Variants in KDM5B observed in about 807,000 individuals in gnomAD.
The protein encoded by KDM5B is lysine-specific demethylase 5B.
In KDM5B, 144 loss-of-function variants were observed where a neutral mutation model predicts 193.4. That is an observed-to-expected ratio of 0.74 (90% CI 0.65 to 0.86). The LOEUF (loss-of-function observed/expected upper bound fraction) is 0.86. Ranked by LOEUF, KDM5B falls within the 40% of genes least tolerant of loss-of-function variation. The pLI, the probability that KDM5B is intolerant of heterozygous loss-of-function variation, is 0.00. For missense variants in KDM5B, 1,833 were observed against 1,886.9 expected (o/e 0.97, Z 0.53); for synonymous variants, 668 against 682.6 (o/e 0.98, Z 0.33).
At chr1:202,755,536 C>A in intron 10 of KDM5B, 84 bp from the exon 11 acceptor site, 2 of 1,090,456 alleles carry the variant, frequency 1.8e-6, no homozygotes, top group African/African-American at 1.6e-5. Flanking sequence ...TATTATCCTT[C>A]AAAATAAAAA....
intron 4 of KDM5B, among the ~76,000 whole-genome samples, chr1:202,772,451 A>C (rs1358854011): frequency 3.3e-5 from 5 of 152,222 alleles, no homozygotes; most frequent in Non-Finnish European, 1.5e-5. Context: ...CTCAGCTGGC[A>C]GAAGAGAACA....
chr1:202,767,238 A>G, intron 4 of KDM5B, 178 bp from the exon 5 acceptor site: 2 of 1,584,256 alleles, frequency 1.3e-6, no homozygotes, highest in African/African-American at 1.3e-5. Flanking sequence ...CTTATGTTTT[A>G]AGCAGTTGGT....
At chr1:202,792,050 G>A (rs897634035) in intron 1 of KDM5B, among the ~76,000 whole-genome samples, 8 of 152,050 alleles carry the variant, frequency 5.3e-5, no homozygotes, top group Admixed American at 3.3e-4. Flanking sequence ...ACTGAATTGA[G>A]ACCACAACCA....
intron 26 of KDM5B, chr1:202,729,461 C>T (rs563408307): frequency 5.8e-5 from 34 of 585,554 alleles, no homozygotes; most frequent in African/African-American, 3.0e-4. Flanking sequence ...TTCTTAGCGC[C>T]GGGAAGGTGA....
Position 202,762,789 on chromosome 1 carries a change from G to A in KDM5B, c.828C>T (p.Ser276=). ...TCCTCTCAATAGGTTCTTGCTTGAT[G>A]CTACTCTTCATTTCTTTCTCTGTAG... is the stretch of plus-strand genomic sequence containing the variant. ...KCENEKEMKS[S]IKQEPIERKD... The change falls in exon 7 of 27, where the codon AGC becomes AGT. Residue 276 remains serine, a synonymous_variant. Transcript: ENST00000367265. 6.2e-7 allele frequency: 1 copy of A among 1,603,176 alleles called. No individual in the cohort carries two copies. Among genetic ancestry groups the A allele is most frequent in the Non-Finnish European group, 8.5e-7 (1 of 1,170,228 alleles).
intron 22 of KDM5B, 82 bp from the exon 23 acceptor site, chr1:202,733,968 CATGGGAT>C: frequency 2.0e-6 from 3 of 1,482,254 alleles, no homozygotes; most frequent in African/African-American, 1.4e-5. Context: ...TGGTTAAGAG[CATGGGAT>C]CCTGAGTAGA....
At chr1:202,789,469 G>A (rs1657547594) in intron 1 of KDM5B, among the ~76,000 whole-genome samples, 2 of 148,624 alleles carry the variant, frequency 1.3e-5, no homozygotes, top group Admixed American at 6.8e-5. Flanking sequence ...TGCAAAGTGA[G>A]CCGAGACAAG....
chr1:202,742,715 T>C lies in KDM5B; in HGVS notation c.2414A>G (p.Gln805Arg). 1.2e-6 allele frequency: 2 copies of C among 1,614,186 alleles called. No individual in the cohort carries two copies. Among genetic ancestry groups the C allele is most frequent in the Non-Finnish European group, 1.7e-6 (2 of 1,180,000 alleles). The change falls in exon 17 of 27, where the codon CAG becomes CGG. Residue 805 changes from glutamine (Q) to arginine (R), a missense_variant. Physicochemically the swap from Gln to Arg is conservative, Grantham distance 43. Around this residue, in one of 3 missense-constraint regions of KDM5B, gnomAD observed 1,379 missense variants for 1,349.6 expected, o/e 1.02. Coordinates refer to ENST00000367265, the MANE Select transcript of KDM5B (RefSeq NM_006618.5). ...DLLRHLRLVTQDAEKCASVAQ... is the reference protein window; with the variant it reads ...DLLRHLRLVTRDAEKCASVAQ... ...AACAGAGGCACACTTCTCTGCATCC[T>C]GTGTGACTAGGCGAAGGTGTCGCAA...
chr1:202,756,403 GC>G lies in KDM5B; in HGVS notation c.1310del (p.Gly437AlafsTer25). On this transcript the variant is annotated frameshift_variant, in exon 10 of 27. Transcript: ENST00000367265. LOFTEE classifies it high-confidence loss of function. ...ADIASKEFGS[G>X]FPVRDGKIKL... ...TGATTTTCCCATCTCGGACAGGAAAGCCACTGCCAAATTCCTTTGAGGCAAT... is the reference window on the plus strand; with the variant it reads ...TGATTTTCCCATCTCGGACAGGAAAGCACTGCCAAATTCCTTTGAGGCAAT... 6.2e-7 allele frequency: 1 copy of G among 1,613,342 alleles called. No homozygotes were observed. Among genetic ancestry groups the G allele is most frequent in the Non-Finnish European group, 8.5e-7 (1 of 1,179,592 alleles).
chr1:202,779,259 G>T (rs781424471), intron 1 of KDM5B, among the ~76,000 whole-genome samples: 1 of 151,704 alleles, frequency 6.6e-6, no homozygotes, highest in East Asian at 1.9e-4. Flanking sequence ...GGTGACTCAC[G>T]CCTGTAATCA....
chr1:202,763,990 G>C, intron 6 of KDM5B, 59 bp downstream of exon 6: 1 of 943,858 alleles, frequency 1.1e-6, no homozygotes, highest in African/African-American at 1.7e-5. Context: ...GTTTACTTAT[G>C]AATAGTTATT....
At chr1:202,732,800 TTG>T (rs1654935361) in intron 23 of KDM5B, among the ~76,000 whole-genome samples, 1 of 152,162 alleles carries the variant, frequency 6.6e-6, no homozygotes, top group African/African-American at 2.4e-5. Context: ...TACTTTTCTA[TTG>T]TCTTCACATT....
intron 13 of KDM5B, among the ~76,000 whole-genome samples, chr1:202,750,175 C>T (rs763440325): frequency 6.6e-6 from 1 of 152,246 alleles, no homozygotes; most frequent in Non-Finnish European, 1.5e-5. Context: ...GTAATTCATG[C>T]TTGATTTACA....
At chr1:202,791,989 A>T (rs1396710271) in intron 1 of KDM5B, among the ~76,000 whole-genome samples, 1 of 152,184 alleles carries the variant, frequency 6.6e-6, no homozygotes, top group Non-Finnish European at 1.5e-5. Flanking sequence ...TACAGGCATG[A>T]GCCACCTAGG....
chr1:202,748,048 G>A (rs1655634024), intron 14 of KDM5B, among the ~76,000 whole-genome samples: 1 of 152,122 alleles, frequency 6.6e-6, no homozygotes, highest in African/African-American at 2.4e-5. Flanking sequence ...TTTAGTATTA[G>A]CAATAGAATA....
chr1:202,764,794 A>G (rs1283766018), intron 5 of KDM5B, among the ~76,000 whole-genome samples: 1 of 151,552 alleles, frequency 6.6e-6, no homozygotes, highest in African/African-American at 2.4e-5. Flanking sequence ...AGCCTGCCAT[A>G]ATGGCAAAAC....
rs1320225933 is a variant in KDM5B, at chr1:202,730,006, G to A, written c.4198C>T (p.Arg1400Ter). 10 of 1,610,852 alleles carry A rather than the reference G, an allele frequency of 6.2e-6. No individual in the cohort carries two copies. The highest frequency in any genetic ancestry group is 7.6e-6 in the Non-Finnish European group (9 of 1,178,424). The change falls in exon 26 of 27, where the codon CGA (arginine) becomes TGA (stop). Residue 1400 changes from arginine (R) to a stop codon, truncating the protein, a stop_gained. Transcript: ENST00000367265. LOFTEE classifies it high-confidence loss of function. ...SEKNDCCRGK[R>*]DGINSLERKL... Reference sequence around the variant, plus strand: ...CTCTCAAGACTGTTAATTCCATCTCGCTTCCCTCGGCAACAGTCATTCTGG... The same window carrying A: ...CTCTCAAGACTGTTAATTCCATCTCACTTCCCTCGGCAACAGTCATTCTGG...
intron 1 of KDM5B, among the ~76,000 whole-genome samples, chr1:202,781,776 T>C (rs551991353): frequency 3.3e-5 from 5 of 152,312 alleles, no homozygotes; most frequent in Admixed American, 6.5e-5. Context: ...TGAAAAATAA[T>C]GTGTCAGAAT....
intron 20 of KDM5B, among the ~76,000 whole-genome samples, chr1:202,737,870 G>C (rs562681943): frequency 6.6e-6 from 1 of 152,274 alleles, no homozygotes; most frequent in East Asian, 1.9e-4. Flanking sequence ...GACATTTTTG[G>C]GACAACTAGG....
Sources: gnomAD v4.1 joint callset for allele counts (sites outside exome capture counted in the v4.1 genomes callset) on GRCh38, gnomAD v4.1.1 for gene constraint, gnomAD v4.1.1 regional missense constraint, MANE v1.5 for transcripts, NCBI Gene and HGNC (gene_info 2026-07-23, HGNC 2026-07-21) for gene names.